Variants in CCDC178 observed in about 807,000 individuals in gnomAD.
CCDC178 encodes the protein coiled-coil domain-containing protein 178.
In CCDC178, 126 loss-of-function variants were observed where a neutral mutation model predicts 117.4. The observed-to-expected ratio is 1.07, with a 90% CI of 0.93 to 1.24. CCDC178 has a LOEUF of 1.24. CCDC178 is among the 50% of genes most tolerant of loss of function. The pLI, the probability that CCDC178 is intolerant of heterozygous loss-of-function variation, is 0.00. For missense variants in CCDC178, 1,030 were observed against 986.9 expected (o/e 1.04, Z -0.59); for synonymous variants, 283 against 313.4 (o/e 0.90, Z 1.02).
At chr18:32,956,500 CTT>C (rs1271891880) in intron 22 of CCDC178, 1 of 152,158 alleles carries the variant, frequency 6.6e-6, no homozygotes, top group African/African-American at 2.4e-5. Flanking sequence ...AGAAAAATCA[CTT>C]TGCCTCTTCT....
At chr18:33,108,138 A>G (rs140101708) in intron 20 of CCDC178, among the ~76,000 whole-genome samples, 35 of 151,650 alleles carry the variant, frequency 2.3e-4, no homozygotes, top group Middle Eastern at 3.4e-3. Context: ...TTTTTGACCT[A>G]TATCTTTAAG....
At position 33,400,595 on chromosome 18, in the gene CCDC178, T is replaced by A. The variant is rs1050078509; in HGVS notation, c.59-3387A>T. Among the ~76,000 whole-genome samples the A allele has an allele frequency of 3.9e-5, 6 of 152,316 alleles. No individual in the cohort carries two copies. In the East Asian group the frequency reaches 1.2e-3, roughly 29 times the overall value. On this transcript the variant is annotated intron_variant, in intron 3 of 22. Transcript: ENST00000383096. ...AGCTTCCAACTTTCCCTCTGCAGCT[T>A]CTTCACCTCTCTTAGCCTTTATAGA...
At chr18:33,233,534 C>G (rs1331880295) in intron 15 of CCDC178, among the ~76,000 whole-genome samples, 1 of 151,844 alleles carries the variant, frequency 6.6e-6, no homozygotes, top group Non-Finnish European at 1.5e-5. Flanking sequence ...ATCACAATTA[C>G]TGGGAGACAG....
chr18:33,036,325 C>G (rs187535407), intron 21 of CCDC178, among the ~76,000 whole-genome samples: 1 of 151,672 alleles, frequency 6.6e-6, no homozygotes, highest in East Asian at 1.9e-4. Flanking sequence ...AATTAATATA[C>G]TCATCAATTA....
At chr18:33,284,511 CATT>C (rs1476844064) in intron 12 of CCDC178, among the ~76,000 whole-genome samples, 1 of 151,972 alleles carries the variant, frequency 6.6e-6, no homozygotes, top group Non-Finnish European at 1.5e-5. Context: ...ATGATAATAT[CATT>C]ATTCATATAT....
At chr18:33,254,834 T>C (rs1366130053) in intron 14 of CCDC178, among the ~76,000 whole-genome samples, 1 of 151,964 alleles carries the variant, frequency 6.6e-6, no homozygotes, top group Non-Finnish European at 1.5e-5. Context: ...GCATAAGCAT[T>C]TTAATAGGCT....
chr18:33,004,166 A>G (rs1221489396), intron 21 of CCDC178, among the ~76,000 whole-genome samples: 2 of 152,194 alleles, frequency 1.3e-5, no homozygotes, highest in African/African-American at 4.8e-5. Context: ...AGAAATAGAA[A>G]AAACAATCCT....
chr18:33,104,877 A>G (rs1298268979), intron 20 of CCDC178, among the ~76,000 whole-genome samples: 2 of 151,746 alleles, frequency 1.3e-5, no homozygotes, highest in African/African-American at 4.8e-5. Flanking sequence ...TAAATATGAC[A>G]TTTTAGCCTG....
chr18:33,107,125 A>G (rs948203031), intron 20 of CCDC178, among the ~76,000 whole-genome samples: 1 of 151,728 alleles, frequency 6.6e-6, no homozygotes, highest in African/African-American at 2.4e-5. Flanking sequence ...CTACAGAGCT[A>G]TAAGATAACT....
At chr18:33,186,288 ATG>A (rs369964008) in intron 20 of CCDC178, among the ~76,000 whole-genome samples, 1 of 151,636 alleles carries the variant, frequency 6.6e-6, no homozygotes, top group Admixed American at 6.6e-5. Flanking sequence ...AAGAGTGTGT[ATG>A]TGTGTGTGTG....
chr18:33,259,225 A>C (rs918616551), intron 14 of CCDC178, among the ~76,000 whole-genome samples: 3 of 152,340 alleles, frequency 2.0e-5, no homozygotes, highest in Middle Eastern at 3.4e-3. Context: ...CCACAGAATT[A>C]AGTTTTTTTG....
At chr18:33,392,750 T>C (rs1272042934) in intron 4 of CCDC178, among the ~76,000 whole-genome samples, 1 of 152,132 alleles carries the variant, frequency 6.6e-6, no homozygotes, top group Non-Finnish European at 1.5e-5. Context: ...TAGTCCCAGT[T>C]ACTCCAGAGA....
intron 20 of CCDC178, among the ~76,000 whole-genome samples, chr18:33,147,538 CT>C (rs1274691431): frequency 2.0e-5 from 3 of 151,468 alleles, no homozygotes; most frequent in African/African-American, 7.3e-5. Flanking sequence ...GTTTGTGTCC[CT>C]GGGTACTTGA....
intron 2 of CCDC178, among the ~76,000 whole-genome samples, chr18:33,418,323 C>G (rs2063974461): frequency 6.6e-6 from 1 of 152,054 alleles, no homozygotes; most frequent in South Asian, 2.1e-4. Context: ...AACCTGGCAT[C>G]AAAGGAACAT....
intron 20 of CCDC178, among the ~76,000 whole-genome samples, chr18:33,166,536 C>CAGGGAA (rs1359511486): frequency 5.5e-4 from 84 of 152,158 alleles, no homozygotes; most frequent in African/African-American, 1.9e-3. Context: ...TACTAGGTGT[C>CAGGGAA]TATAAGGAAA....
intron 21 of CCDC178, among the ~76,000 whole-genome samples, chr18:33,038,974 T>C (rs2144886135): frequency 6.6e-6 from 1 of 152,152 alleles, no homozygotes; most frequent in South Asian, 2.1e-4. Flanking sequence ...ACAACATATG[T>C]ATATGGCCAA....
chr18:33,316,526 G>A (rs1242564512), intron 11 of CCDC178, among the ~76,000 whole-genome samples: 1 of 152,078 alleles, frequency 6.6e-6, no homozygotes, highest in Non-Finnish European at 1.5e-5. Context: ...GCCGCCCCCT[G>A]CTGGATGGCG....
chr18:33,216,002 G>A (rs1225012976), intron 18 of CCDC178, among the ~76,000 whole-genome samples: 1 of 151,956 alleles, frequency 6.6e-6, no homozygotes, highest in Non-Finnish European at 1.5e-5. Context: ...GGAGGCTGAG[G>A]TGGGAGGATC....
rs1316616547 is a variant in CCDC178, at chr18:33,345,888, A to G, written c.658+323T>C. Reference sequence around the variant, plus strand: ...ATTTTTTGAGACAGGATCTCACTCTATCACCTGGGGCTCACTGCAGCCTCA... The same window carrying G: ...ATTTTTTGAGACAGGATCTCACTCTGTCACCTGGGGCTCACTGCAGCCTCA... On this transcript the variant is annotated intron_variant, in intron 9 of 22. Coordinates refer to ENST00000383096, the MANE Select transcript of CCDC178 (RefSeq NM_001105528.4). Among the ~76,000 whole-genome samples, 5 of 152,026 alleles carry G rather than the reference A, an allele frequency of 3.3e-5. No homozygotes were observed. The East Asian group carries it at 7.7e-4, about 24-fold the overall frequency.
Sources: gnomAD v4.1 joint callset for allele counts (sites outside exome capture counted in the v4.1 genomes callset) on GRCh38, gnomAD v4.1.1 for gene constraint, MANE v1.5 for transcripts, NCBI Gene and HGNC (gene_info 2026-07-23, HGNC 2026-07-21) for gene names.